The following OTOGL variants were observed in gnomAD, a reference collection of about 807,000 sequenced individuals.
OTOGL encodes the protein otogelin-like protein.
In OTOGL, 285 loss-of-function variants were observed where a neutral mutation model predicts 318.5. That is an observed-to-expected ratio of 0.89 (90% CI 0.81 to 0.99). The LOEUF is 0.99. OTOGL is among the 50% of genes least tolerant of loss of function. The pLI is 0.00. For missense variants in OTOGL, 2,899 were observed against 2,845.6 expected (o/e 1.02, Z -0.43); for synonymous variants, 987 against 936.5 (o/e 1.05, Z -0.99).
rs184458447 is a variant in OTOGL, at chr12:80,190,950, G to T, written c.-19-18463G>T. ...TTTAAATAATGTTGCAGCTAACAGG[G>T]AAAGGCCAACCTTTCCACCTCAGGC... On this transcript the variant is annotated intron_variant, in intron 1 of 58. Coordinates refer to ENST00000547103, the MANE Select transcript of OTOGL (RefSeq NM_001378609.3). 2.9e-3 allele frequency among the ~76,000 whole-genome samples: 445 copies of T among 152,168 alleles called. 2 individuals are homozygous for T. Among genetic ancestry groups the T allele is most frequent in the Non-Finnish European group, 5.1e-3 (344 of 68,004 alleles).
chr12:80,117,110 T>C (rs1239886198), intron 1 of OTOGL, among the ~76,000 whole-genome samples: 2 of 152,102 alleles, frequency 1.3e-5, no homozygotes, highest in Admixed American at 6.5e-5. Context: ...ACTGTCTCAA[T>C]TGGATAATGG....
intron 11 of OTOGL, among the ~76,000 whole-genome samples, chr12:80,245,052 T>C (rs1393352685): frequency 2.8e-5 from 4 of 142,318 alleles, no homozygotes; most frequent in Non-Finnish European, 4.5e-5. Flanking sequence ...TTGTAGATTC[T>C]GGATATTAGC....
chr12:80,232,868 A>G (rs1466884388), intron 8 of OTOGL, 24 bp from the exon 9 acceptor site: 1 of 1,546,990 alleles, frequency 6.5e-7, no homozygotes, highest in East Asian at 2.2e-5. Flanking sequence ...TCATTCTTAG[A>G]TAGCTTTTGT....
chr12:80,313,476 A>G lies in OTOGL; in HGVS notation c.3451A>G (p.Ile1151Val). The G allele has an allele frequency of 6.2e-7, 1 of 1,604,644 alleles. No individual in the cohort carries two copies. The highest frequency in any genetic ancestry group is 8.5e-7 in the Non-Finnish European group (1 of 1,172,060). ...AGTAATCTTTCACCTCATTTTTCAG[A>G]TTGACGTTACTTCTTTTGCCAAAAA... ...SDIFASCRNV[I>V]DVTSFAKNCH... Residue 1151 changes from isoleucine to valine, a missense_variant and splice_region_variant, in exon 31 of 59, where the codon ATT becomes GTT. Physicochemically the swap from Ile to Val is conservative, Grantham distance 29 (BLOSUM62 3). Coordinates refer to ENST00000547103, the MANE Select transcript of OTOGL (RefSeq NM_001378609.3).
chr12:80,377,802 AC>A, intron 58 of OTOGL, 45 bp from the exon 59 acceptor site: 1 of 1,393,956 alleles, frequency 7.2e-7, no homozygotes, highest in Non-Finnish European at 9.9e-7. Context: ...AATAACCAGT[AC>A]TTTTAAAAGT....
chr12:80,329,105 T>C lies in OTOGL; in HGVS notation c.4334T>C (p.Val1445Ala). Residue 1445 changes from valine to alanine, a missense_variant, in exon 37 of 59, where the codon GTG becomes GCG. By Grantham distance (64) the Val-to-Ala change is moderately conservative. This residue lies in a region of OTOGL where 2,607 missense variants were observed against 2,524.9 expected (regional missense o/e 1.03). Transcript: ENST00000547103. Reference protein sequence around the residue: ...PTLMPPAKPTVPMFTVWEMIT... With the variant: ...PTLMPPAKPTAPMFTVWEMIT... ...TTAATGCCACCAGCTAAGCCAACTG[T>C]GCCCATGTTTACAGGTATTGTTATA... is the stretch of plus-strand genomic sequence containing the variant. 6.5e-7 allele frequency: 1 copy of C among 1,540,256 alleles called. No individual in the cohort carries two copies. The highest frequency in any genetic ancestry group is 1.3e-5 in the South Asian group (1 of 77,210).
chr12:80,332,093 C>T (rs548425543), intron 37 of OTOGL, among the ~76,000 whole-genome samples: 10 of 151,994 alleles, frequency 6.6e-5, no homozygotes, highest in Non-Finnish European at 1.2e-4. Flanking sequence ...GAATGCAGTC[C>T]TACTAATAGC....
intron 52 of OTOGL, among the ~76,000 whole-genome samples, chr12:80,363,928 A>T (rs1022604926): frequency 2.0e-5 from 3 of 151,108 alleles, no homozygotes; most frequent in Non-Finnish European, 3.0e-5. Context: ...TTATTTATTT[A>T]TTTTTTCCCA....
chr12:80,275,658 T>C (rs1883748037), intron 24 of OTOGL, among the ~76,000 whole-genome samples: 1 of 151,834 alleles, frequency 6.6e-6, no homozygotes, highest in African/African-American at 2.4e-5. Context: ...GAGAAATCTT[T>C]TGTGAAAGGG....
intron 1 of OTOGL, among the ~76,000 whole-genome samples, chr12:80,118,299 T>C (rs751263257): frequency 6.6e-6 from 1 of 152,176 alleles, no homozygotes; most frequent in Non-Finnish European, 1.5e-5. Context: ...TGGAAAGGTC[T>C]TTCTCTGCTG....
In OTOGL at chr12:80,257,853, C is replaced by G; in HGVS notation, c.1740C>G (p.Ser580=). ...TTGTTGAAATTCAAACTCTGTCATCCTTATTTATACTTCTAAAAACCACAT... is the reference window on the plus strand; with the variant it reads ...TTGTTGAAATTCAAACTCTGTCATCGTTATTTATACTTCTAAAAACCACAT... ...NGIVEIQTLS[S]LFILLKTTFG... The change falls in exon 18 of 59, where the codon TCC becomes TCG. Residue 580 remains serine, a synonymous_variant. Transcript: ENST00000547103. 1 of 1,583,234 alleles carries G rather than the reference C, an allele frequency of 6.3e-7. No homozygotes were observed. Among genetic ancestry groups the G allele is most frequent in the Non-Finnish European group, 8.5e-7 (1 of 1,173,022 alleles).
rs149579464 is a variant in OTOGL at position 80,266,720 on chromosome 12, G to A, written c.2390+104G>A. 3.3e-4 allele frequency: 379 copies of A among 1,132,832 alleles called. 3 individuals are homozygous for A. In the African/African-American group the frequency reaches 5.4e-3, roughly 16 times the overall value. 70.2% of individuals were successfully genotyped at this position (1,132,832 alleles called of 1,614,324 possible). A position where few individuals can be genotyped will look rare whatever the true frequency, so the allele number is the denominator to read the frequency against. On this transcript the variant is annotated intron_variant, in intron 21 of 58. Coordinates refer to ENST00000547103, the MANE Select transcript of OTOGL (RefSeq NM_001378609.3). ...GTTTTTGAAAAAAATATTTCTTATTGTCTTTACTTTTTTTTTTAAAAAACC... is the reference window on the plus strand; with the variant it reads ...GTTTTTGAAAAAAATATTTCTTATTATCTTTACTTTTTTTTTTAAAAAACC...
At chr12:80,151,395 G>A (rs538259947) in intron 1 of OTOGL, among the ~76,000 whole-genome samples, 3 of 152,158 alleles carry the variant, frequency 2.0e-5, no homozygotes, top group Admixed American at 1.3e-4. Flanking sequence ...TCCATTACCT[G>A]CTTCTTTCTT....
At chr12:80,220,038 C>A in intron 6 of OTOGL, 126 bp downstream of exon 6, 1 of 713,972 alleles carries the variant, frequency 1.4e-6, no homozygotes, top group Non-Finnish European at 2.3e-6. Flanking sequence ...AATTCATTCT[C>A]AGTAATTTGA....
intron 10 of OTOGL, 124 bp from the exon 11 acceptor site, chr12:80,239,209 G>A (rs1880143488): frequency 3.1e-6 from 3 of 955,278 alleles, no homozygotes; most frequent in South Asian, 4.2e-5. Context: ...TAGTTAAAAT[G>A]TATAAGTTAC....
At chr12:80,311,408 T>A (rs1886626291) in intron 30 of OTOGL, among the ~76,000 whole-genome samples, 1 of 152,162 alleles carries the variant, frequency 6.6e-6, no homozygotes, top group Admixed American at 6.5e-5. Flanking sequence ...CAGGGATATT[T>A]GGCAGATATT....
intron 44 of OTOGL, chr12:80,343,509 G>GTTT (rs58046272): frequency 2.0e-4 from 7 of 35,848 alleles, no homozygotes; most frequent in Admixed American, 3.7e-4. Context: ...TTTTATTCTT[G>GTTT]TTTTTTTTTT....
chr12:80,280,755 A>G (rs889929024), intron 26 of OTOGL, among the ~76,000 whole-genome samples: 2 of 151,178 alleles, frequency 1.3e-5, no homozygotes, highest in African/African-American at 4.8e-5. Flanking sequence ...CTGCTTAGGA[A>G]TGGCATTGAA....
At position 80,337,015 on chromosome 12, in the gene OTOGL, A is replaced by G; in HGVS notation, c.4860+11A>G. On this transcript the variant is annotated intron_variant, in intron 42 of 58. Coordinates refer to ENST00000547103, the MANE Select transcript of OTOGL (RefSeq NM_001378609.3). The stretch of plus-strand genomic sequence containing the variant: ...CGGTTGGCAAGAAAGGTAAGAATAC[A>G]AAGTTAAAATTTTTTCTCACATTAG... The G allele has an allele frequency of 6.5e-7, 1 of 1,540,176 alleles. No individual in the cohort carries two copies. Among genetic ancestry groups the G allele is most frequent in the Non-Finnish European group, 8.8e-7 (1 of 1,134,076 alleles).
Sources: allele counts gnomAD v4.1 joint callset (sites outside exome capture counted in the v4.1 genomes callset), GRCh38; gene constraint gnomAD v4.1.1; regional missense constraint gnomAD v4.1.1; transcripts MANE v1.5; gene names NCBI Gene and HGNC (gene_info 2026-07-23, HGNC 2026-07-21).